GFI1: variants seen among roughly 807,000 people sequenced by gnomAD.
GFI1 encodes zinc finger protein Gfi-1.
GFI1 carries 15 observed loss-of-function variants against 39.2 expected under a neutral mutation model. The ratio of observed to expected loss-of-function variants is 0.38; its 90% confidence interval spans 0.26 to 0.59. The LOEUF (loss-of-function observed/expected upper bound fraction) is 0.59, where lower values mean the gene tolerates loss of function less well. Ranked by LOEUF, GFI1 falls within the 20% of genes least tolerant of loss-of-function variation. The probability of loss-of-function intolerance (pLI) is 0.62; values close to 1 mark genes in which losing one functional copy is unlikely to be tolerated. For missense variants in GFI1, 475 were observed against 574.0 expected (o/e 0.83, Z 1.76); for synonymous variants, 239 against 254.3 (o/e 0.94, Z 0.57).
chr1:92,483,903 A>G (rs1658412072), intron 1 of GFI1: 1 of 333,432 alleles, frequency 3.0e-6, no homozygotes, highest in South Asian at 2.5e-5. Flanking sequence ...TCCGGCAATC[A>G]AACTCCCTGG....
chr1:92,486,260 G>T (rs1658522721), intron 1 of GFI1, among the ~76,000 whole-genome samples: 1 of 152,202 alleles, frequency 6.6e-6, no homozygotes, highest in African/African-American at 2.4e-5. Flanking sequence ...GCGGTGGGGG[G>T]CCTGGCCTTT....
At position 92,484,155 on chromosome 1, in the gene GFI1, G is replaced by A. The variant is rs985328399; in HGVS notation, c.-99-569C>T. 2.6e-5 allele frequency among the ~76,000 whole-genome samples: 4 copies of A among 152,196 alleles called. No individual in the cohort carries two copies. The highest frequency in any genetic ancestry group is 5.9e-5 in the Non-Finnish European group (4 of 68,046). On this transcript the variant is annotated intron_variant, in intron 1 of 6. Transcript: ENST00000294702. This position sits in a 1 kb window ranked among gnomAD's most constrained non-coding sequence, Gnocchi z 4.1. ...CACAAGATAAAACTGTGGGGCGGCG[G>A]GAGGACAGCAGCAGAGGGATTGGGG...
rs141262092 is a variant in GFI1 at position 92,480,063 on chromosome 1, G to T, written c.924+285C>A. ...TGATATATCAGCAGCACGAATCAGT[G>T]CATACAAACCTACCTCAAGCCCAAA... is the stretch of plus-strand genomic sequence containing the variant. On this transcript the variant is annotated intron_variant, in intron 5 of 6. Transcript: ENST00000294702. This position sits in a 1 kb window ranked among gnomAD's most constrained non-coding sequence, Gnocchi z 5.6. Among the ~76,000 whole-genome samples the T allele has an allele frequency of 1.2e-3, 182 of 152,324 alleles. 1 individual carries two copies. The highest frequency in any genetic ancestry group is 4.3e-3 in the African/African-American group (177 of 41,572).
intron 2 of GFI1, 101 bp from the exon 3 acceptor site, chr1:92,483,147 C>T: frequency 9.1e-7 from 1 of 1,101,918 alleles, no homozygotes; most frequent in South Asian, 1.6e-5. Flanking sequence ...CGAGCGTCTT[C>T]CCCTCTCCAC....
In GFI1 at chr1:92,482,402, C is replaced by T. The variant is rs1404418567; in HGVS notation, c.298+462G>A. Among the ~76,000 whole-genome samples the T allele has an allele frequency of 8.0e-6, 1 of 124,962 alleles. No homozygotes were observed. The highest frequency in any genetic ancestry group is 8.3e-5 in the Admixed American group (1 of 12,092). The allele number at this position is 124,962 out of a possible 152,430, so 82.0% of individuals were successfully genotyped here. A position where few individuals can be genotyped will look rare whatever the true frequency, so the allele number is the denominator to read the frequency against. ...CAATCTGCGCCTGTGAAGACCAAGCCGCGGGCTGAGATTTTCGTCCTGCCC... is the reference window on the plus strand; with the variant it reads ...CAATCTGCGCCTGTGAAGACCAAGCTGCGGGCTGAGATTTTCGTCCTGCCC... On this transcript the variant is annotated intron_variant, in intron 3 of 6. Coordinates refer to ENST00000294702, the MANE Select transcript of GFI1 (RefSeq NM_005263.5). The surrounding 1 kb of genome is among the most constrained non-coding windows in gnomAD (Gnocchi z 4.4).
At position 92,481,164 on chromosome 1, in the gene GFI1, G is replaced by T; in HGVS notation, c.299-76C>A. On this transcript the variant is annotated intron_variant, in intron 3 of 6. Coordinates refer to ENST00000294702, the MANE Select transcript of GFI1 (RefSeq NM_005263.5). This position sits in a 1 kb window ranked among gnomAD's most constrained non-coding sequence, Gnocchi z 4.3. ...AGGCCGCCGGGCTGCGGCTGCGAGC[G>T]TGGCGTGTTCGCGGACTGCGGGGCA... is the stretch of plus-strand genomic sequence containing the variant. The T allele has an allele frequency of 7.6e-7, 1 of 1,321,172 alleles. No homozygotes were observed. Among genetic ancestry groups the T allele is most frequent in the Non-Finnish European group, 1.1e-6 (1 of 936,902 alleles). 81.8% of individuals were successfully genotyped at this position (1,321,172 alleles called of 1,614,324 possible).
chr1:92,483,279 T>C, intron 2 of GFI1, 94 bp downstream of exon 2: 4 of 798,252 alleles, frequency 5.0e-6, no homozygotes, highest in Non-Finnish European at 6.4e-6. Flanking sequence ...AAAGGGACGT[T>C]GGGGCAGCCC....
At position 92,481,015 on chromosome 1, in the gene GFI1, C is replaced by T. The variant is rs1262460074; in HGVS notation, c.372G>A (p.Trp124Ter). 6.2e-7 allele frequency: 1 copy of T among 1,611,524 alleles called. No individual in the cohort carries two copies. Among genetic ancestry groups the T allele is most frequent in the Non-Finnish European group, 8.5e-7 (1 of 1,179,208 alleles). ...GCAGGTCAGAACCCGCCAGGCCGCT[C>T]CATGAGTACGGTTTGAAAGGCAGGG... ...PFPLPFKPYS[W>*]SGLAGSDLRH... Residue 124 changes from tryptophan to a stop codon, truncating the protein, a stop_gained, in exon 4 of 7, where the codon TGG becomes TGA. Transcript: ENST00000294702. LOFTEE classifies it high-confidence loss of function. The surrounding 1 kb of genome is among the most constrained non-coding windows in gnomAD (Gnocchi z 4.3).
At position 92,476,656 on chromosome 1, in the gene GFI1, G is replaced by A. The variant is rs577657872; in HGVS notation, c.1091-449C>T. On this transcript the variant is annotated intron_variant, in intron 6 of 6. Coordinates refer to ENST00000294702, the MANE Select transcript of GFI1 (RefSeq NM_005263.5). ...TTTTCAAATCTGAATTTCCAAGTGG[G>A]TGTTAGTTTGTATGGATCAGTGAGC... 7.2e-5 allele frequency among the ~76,000 whole-genome samples: 11 copies of A among 152,308 alleles called. No homozygotes were observed. In the South Asian group the frequency reaches 2.1e-3, roughly 29 times the overall value.
intron 6 of GFI1, among the ~76,000 whole-genome samples, chr1:92,478,181 A>C (rs192291092): frequency 6.6e-6 from 1 of 152,294 alleles, no homozygotes; most frequent in East Asian, 1.9e-4. Context: ...GAGAGTCCAC[A>C]CGAGTCCCTC....
Position 92,474,388 on chromosome 1 carries a change from C to T in GFI1, c.*1641G>A, listed in dbSNP as rs749416842. Among the ~76,000 whole-genome samples, 7 of 152,174 alleles carry T rather than the reference C, an allele frequency of 4.6e-5. No individual in the cohort carries two copies. The highest frequency in any genetic ancestry group is 1.0e-4 in the Non-Finnish European group (7 of 68,042). On this transcript the variant is annotated 3_prime_UTR_variant, in exon 7 of 7. Coordinates refer to ENST00000294702, the MANE Select transcript of GFI1 (RefSeq NM_005263.5). ...ACAGAGCTGTGACTAAAACTAAAACCTAGACCTAAGACCTGTGATTTCTTT... is the reference window on the plus strand; with the variant it reads ...ACAGAGCTGTGACTAAAACTAAAACTTAGACCTAAGACCTGTGATTTCTTT...
Position 92,480,527 on chromosome 1 carries a change from C to T in GFI1, c.787-42G>A, listed in dbSNP as rs1413986734. On this transcript the variant is annotated intron_variant, in intron 4 of 6. Transcript: ENST00000294702. This position sits in a 1 kb window ranked among gnomAD's most constrained non-coding sequence, Gnocchi z 5.6. ...CAGAGAGAAGGCCGCTGAGAGGGGC[C>T]GCGGGGCGCAGGCGAGGCGCGGGTA... The T allele has an allele frequency of 6.5e-7, 1 of 1,547,400 alleles. No individual in the cohort carries two copies.
rs1658322233 is a variant in GFI1 at position 92,482,754 on chromosome 1, G to C, written c.298+110C>G. On this transcript the variant is annotated intron_variant, in intron 3 of 6. Coordinates refer to ENST00000294702, the MANE Select transcript of GFI1 (RefSeq NM_005263.5). The surrounding 1 kb of genome is among the most constrained non-coding windows in gnomAD (Gnocchi z 4.4). Reference sequence around the variant, plus strand: ...CGAATCAGCTCCCTTCTCCCGGAAAGACTCTCCAACTCCCCGTTAGCATTT... The same window carrying C: ...CGAATCAGCTCCCTTCTCCCGGAAACACTCTCCAACTCCCCGTTAGCATTT... The C allele has an allele frequency of 1.2e-6, 1 of 851,706 alleles. No individual in the cohort carries two copies. The highest frequency in any genetic ancestry group is 2.0e-6 in the Non-Finnish European group (1 of 508,778). The allele number at this position is 851,706 out of a possible 1,614,324, so 52.8% of individuals were successfully genotyped here.
At chr1:92,485,589 C>A (rs1658490872) in intron 1 of GFI1, among the ~76,000 whole-genome samples, 1 of 152,138 alleles carries the variant, frequency 6.6e-6, no homozygotes, top group Admixed American at 6.5e-5. Context: ...GGGCCTGGGC[C>A]GAGCGCGTGG....
At chr1:92,486,403 T>C (rs1658528811) in intron 1 of GFI1, among the ~76,000 whole-genome samples, 1 of 152,084 alleles carries the variant, frequency 6.6e-6, no homozygotes, top group Non-Finnish European at 1.5e-5. Flanking sequence ...TATTCTTGGC[T>C]CCAGGGAGAC....
In GFI1 at chr1:92,476,222, G is replaced by C; in HGVS notation, c.1091-15C>G. ...AGGCTTCTCACCTGTGGGGATGGGA[G>C]GGGGAGGGGAGAAAGTATGAGTCTA... On this transcript the variant is annotated splice_polypyrimidine_tract_variant and intron_variant, in intron 6 of 6. Coordinates refer to ENST00000294702, the MANE Select transcript of GFI1 (RefSeq NM_005263.5). 1.2e-6 allele frequency: 2 copies of C among 1,606,898 alleles called. No homozygotes were observed. Among genetic ancestry groups the C allele is most frequent in the Non-Finnish European group, 1.7e-6 (2 of 1,175,790 alleles).
chr1:92,483,595 G>T lies in GFI1; in HGVS notation c.-99-9C>A. ...CCCAGCCCGGAGGAGACCTGAGAGGGAAAGAAAACCAGGTGGAGACGTGGG... is the reference window on the plus strand; with the variant it reads ...CCCAGCCCGGAGGAGACCTGAGAGGTAAAGAAAACCAGGTGGAGACGTGGG... On this transcript the variant is annotated splice_polypyrimidine_tract_variant and intron_variant, in intron 1 of 6. Transcript: ENST00000294702. 1 of 731,158 alleles carries T rather than the reference G, an allele frequency of 1.4e-6. No homozygotes were observed. The highest frequency in any genetic ancestry group is 2.5e-6 in the Non-Finnish European group (1 of 404,204). 45.3% of individuals were successfully genotyped at this position (731,158 alleles called of 1,614,324 possible).
chr1:92,486,322 G>A (rs1296690545), intron 1 of GFI1, among the ~76,000 whole-genome samples: 5 of 152,222 alleles, frequency 3.3e-5, no homozygotes, highest in Admixed American at 2.6e-4. Context: ...CTCCCTGTGG[G>A]TCGGCAGGGG....
intron 6 of GFI1, 56 bp downstream of exon 6, chr1:92,478,532 A>G (rs1658066230): frequency 6.9e-7 from 1 of 1,439,488 alleles, no homozygotes; most frequent in African/African-American, 1.4e-5. Context: ...ATCAGAGAAG[A>G]TGAGTAATGT....
Sources: gnomAD v4.1 joint callset for allele counts (sites outside exome capture counted in the v4.1 genomes callset) on GRCh38, gnomAD v4.1.1 for gene constraint, Gnocchi (gnomAD v3.1) non-coding constraint, MANE v1.5 for transcripts, NCBI Gene and HGNC (gene_info 2026-07-23, HGNC 2026-07-21) for gene names.